Variants in CACNA1D observed in about 807,000 individuals in gnomAD.
The protein encoded by CACNA1D is voltage-dependent L-type calcium channel subunit alpha-1D.
Under a neutral mutation model 257.1 loss-of-function variants are expected in CACNA1D, and 55 were observed. That is an observed-to-expected ratio of 0.21 (90% CI 0.17 to 0.27). CACNA1D has a LOEUF of 0.27. CACNA1D is among the 10% of genes least tolerant of loss of function. The pLI is 1.00. For missense variants in CACNA1D, 1,876 were observed against 2,784.0 expected, an observed-to-expected ratio of 0.67 and a Z score of 7.34; for synonymous variants, 980 against 1,014.9, an observed-to-expected ratio of 0.97 and a Z score of 0.65.
At chr3:53,699,054 A>C (rs1373024712) in intron 8 of CACNA1D, among the ~76,000 whole-genome samples, 1 of 152,134 alleles carries the variant, frequency 6.6e-6, no homozygotes, top group Non-Finnish European at 1.5e-5. Context: ...TTTTCCCATC[A>C]TTGCAAAGTT....
At chr3:53,576,659 C>T (rs1024474568) in intron 3 of CACNA1D, among the ~76,000 whole-genome samples, 2 of 152,138 alleles carry the variant, frequency 1.3e-5, no homozygotes, top group Non-Finnish European at 2.9e-5. Context: ...ATTATGGAGC[C>T]CTTATTCATA....
chr3:53,547,832 A>T (rs1002711398), intron 3 of CACNA1D, among the ~76,000 whole-genome samples: 12 of 152,116 alleles, frequency 7.9e-5, no homozygotes, highest in African/African-American at 2.9e-4. Flanking sequence ...TAGAACTGGG[A>T]ATGACAAGGC....
intron 9 of CACNA1D, 144 bp downstream of exon 9, chr3:53,702,954 C>T: frequency 1.2e-6 from 1 of 857,784 alleles, no homozygotes; most frequent in East Asian, 2.6e-5. Context: ...CTGCACACAT[C>T]ACGGAGAGAA....
intron 9 of CACNA1D, among the ~76,000 whole-genome samples, chr3:53,717,657 C>G (rs147253222): frequency 1.3e-5 from 2 of 152,162 alleles, no homozygotes; most frequent in African/African-American, 4.8e-5. Context: ...ACTCGTAACA[C>G]TATAATTCCT....
rs2094897676 is a variant in CACNA1D at position 53,723,069 on chromosome 3, A to T, written c.1667-365A>T. On this transcript the variant is annotated intron_variant, in intron 12 of 47. Coordinates refer to ENST00000350061, the MANE Select transcript of CACNA1D (RefSeq NM_001128840.3). This position sits in a 1 kb window ranked among gnomAD's most constrained non-coding sequence, Gnocchi z 5.6. ...AGACAGATCTTTTCTGTGTGATTGAATGAAAAAATATGTATAACCTGATGG... is the reference window on the plus strand; with the variant it reads ...AGACAGATCTTTTCTGTGTGATTGATTGAAAAAATATGTATAACCTGATGG... 6.6e-6 allele frequency among the ~76,000 whole-genome samples: 1 copy of T among 152,212 alleles called. No homozygotes were observed. Among genetic ancestry groups the T allele is most frequent in the African/African-American group, 2.4e-5 (1 of 41,450 alleles).
intron 8 of CACNA1D, among the ~76,000 whole-genome samples, chr3:53,682,391 A>C (rs926025433): frequency 5.0e-5 from 7 of 140,968 alleles, no homozygotes; most frequent in East Asian, 4.5e-4. Flanking sequence ...AAAAAAAAAA[A>C]AAAAACAGAA....
At chr3:53,556,452 T>C (rs2092646963) in intron 3 of CACNA1D, among the ~76,000 whole-genome samples, 1 of 152,226 alleles carries the variant, frequency 6.6e-6, no homozygotes, top group South Asian at 2.1e-4. Flanking sequence ...AATAGGTGCG[T>C]AGTAGTATCT....
chr3:53,574,615 G>C (rs1217067143), intron 3 of CACNA1D, among the ~76,000 whole-genome samples: 1 of 152,060 alleles, frequency 6.6e-6, no homozygotes, highest in Non-Finnish European at 1.5e-5. Context: ...CGAGCACTTC[G>C]CCATCACAGG....
chr3:53,806,440 G>T (rs1364030575), intron 45 of CACNA1D, among the ~76,000 whole-genome samples: 1 of 152,168 alleles, frequency 6.6e-6, no homozygotes, highest in Non-Finnish European at 1.5e-5. Context: ...GCAGGAGCTG[G>T]CGGATCTGGG....
chr3:53,646,112 G>A (rs554723180), intron 3 of CACNA1D, among the ~76,000 whole-genome samples: 1 of 152,334 alleles, frequency 6.6e-6, no homozygotes, highest in South Asian at 2.1e-4. Flanking sequence ...AAGACATGGA[G>A]GTGGGAAGGT....
chr3:53,508,602 G>C (rs574879169), intron 3 of CACNA1D, among the ~76,000 whole-genome samples: 3 of 152,234 alleles, frequency 2.0e-5, no homozygotes, highest in Non-Finnish European at 2.9e-5. Flanking sequence ...GCTTAAGTTC[G>C]GCATTTTAAC....
At position 53,811,079 on chromosome 3, in the gene CACNA1D, AC is replaced by A. The variant is rs779173311; in HGVS notation, c.6193-29del. Reference sequence around the variant, plus strand: ...CCCCTGCCCTGCAAAGCCTTATAACACCCCCATGCCATCCATCCCTCTTTTC... The same window carrying A: ...CCCCTGCCCTGCAAAGCCTTATAACACCCCATGCCATCCATCCCTCTTTTC... On this transcript the variant is annotated intron_variant, in intron 47 of 47. Coordinates refer to ENST00000350061, the MANE Select transcript of CACNA1D (RefSeq NM_001128840.3). This position sits in a 1 kb window ranked among gnomAD's most constrained non-coding sequence, Gnocchi z 4.2. 15 of 1,585,148 alleles carry A rather than the reference AC, an allele frequency of 9.5e-6. No individual in the cohort carries two copies. In the African/African-American group the frequency reaches 1.8e-4, roughly 19 times the overall value.
chr3:53,598,836 A>G (rs2093405506), intron 3 of CACNA1D, among the ~76,000 whole-genome samples: 1 of 152,194 alleles, frequency 6.6e-6, no homozygotes, highest in South Asian at 2.1e-4. Flanking sequence ...GTGTTGAGAG[A>G]CTGGGTCTTG....
At chr3:53,776,160 C>T in intron 35 of CACNA1D, 115 bp downstream of exon 35, 2 of 956,382 alleles carry the variant, frequency 2.1e-6, no homozygotes, top group Non-Finnish European at 3.3e-6. Context: ...TGTGGATGAG[C>T]ACTCTGGACT....
At chr3:53,773,437 A>G (rs1217230712) in intron 33 of CACNA1D, 1 of 168,014 alleles carries the variant, frequency 6.0e-6, no homozygotes, top group Non-Finnish European at 1.3e-5. Flanking sequence ...CTAACAGAGG[A>G]GCCCTAACAT....
chr3:53,808,413 CAAAAA>C, intron 45 of CACNA1D: 2 of 421,678 alleles, frequency 4.7e-6, no homozygotes, highest in Non-Finnish European at 8.6e-6. Context: ...GACTCCATCT[CAAAAA>C]AAAAAAAAAA....
chr3:53,741,155 A>G lies in CACNA1D; in HGVS notation c.2811+816A>G, dbSNP rs565733890. The stretch of plus-strand genomic sequence containing the variant: ...TCCTTATGTGCTTAGAGTGCTGGAG[A>G]CCACAGCAGAGCTCCAAGAACCTAT... On this transcript the variant is annotated intron_variant, in intron 21 of 47. Transcript: ENST00000350061. 1.2e-4 allele frequency among the ~76,000 whole-genome samples: 18 copies of G among 152,238 alleles called. No homozygotes were observed. In the South Asian group the frequency reaches 3.5e-3, roughly 30 times the overall value.
chr3:53,772,544 G>C lies in CACNA1D; in HGVS notation c.4045-289G>C, dbSNP rs540083933. On this transcript the variant is annotated intron_variant, in intron 32 of 47. Transcript: ENST00000350061. ...TGAATTTAAGGATTATGAGAGTTAC[G>C]TGTCTGTGTTGAAAATGTTTAGGGT... Among the ~76,000 whole-genome samples, 34 of 152,308 alleles carry C rather than the reference G, an allele frequency of 2.2e-4. No individual in the cohort carries two copies. In the South Asian group the frequency reaches 7.0e-3, roughly 32 times the overall value.
chr3:53,574,634 T>C (rs1169536632), intron 3 of CACNA1D, among the ~76,000 whole-genome samples: 1 of 152,120 alleles, frequency 6.6e-6, no homozygotes, highest in Non-Finnish European at 1.5e-5. Context: ...GGCCCTTCCC[T>C]TGGGGAGCTG....
Sources: allele counts gnomAD v4.1 joint callset (sites outside exome capture counted in the v4.1 genomes callset), GRCh38; gene constraint gnomAD v4.1.1; non-coding constraint Gnocchi (gnomAD v3.1); transcripts MANE v1.5; gene names NCBI Gene and HGNC (gene_info 2026-07-23, HGNC 2026-07-21).